Variants in EXT1 observed in about 807,000 individuals in gnomAD.
EXT1 encodes exostosin glycosyltransferase 1, also known as exostosin-1.
EXT1 carries 20 observed loss-of-function variants against 82.5 expected under a neutral mutation model. The ratio of observed to expected loss-of-function variants is 0.24; its 90% confidence interval spans 0.17 to 0.35. The LOEUF (loss-of-function observed/expected upper bound fraction) is 0.35, where lower values mean the gene tolerates loss of function less well. Ranked by LOEUF, EXT1 falls within the 10% of genes least tolerant of loss-of-function variation. The pLI is 1.00. For synonymous variants in EXT1, 348 were observed against 350.8 expected, an observed-to-expected ratio of 0.99 and a Z score of 0.09; for missense variants, 757 against 936.5, an observed-to-expected ratio of 0.81 and a Z score of 2.50.
At chr8:117,970,503 C>T (rs1261186283) in intron 1 of EXT1, among the ~76,000 whole-genome samples, 3 of 152,014 alleles carry the variant, frequency 2.0e-5, no homozygotes, top group Non-Finnish European at 2.9e-5. Flanking sequence ...GATGGGGTTT[C>T]ATCATATTGG....
rs376512638 is a variant in EXT1 at position 117,908,655 on chromosome 8, C to A, written c.963-71454G>T. On this transcript the variant is annotated intron_variant, in intron 1 of 10. Coordinates refer to ENST00000378204, the MANE Select transcript of EXT1 (RefSeq NM_000127.3). The stretch of plus-strand genomic sequence containing the variant: ...AAAACAAAAACAAAAACAAAAAAAA[C>A]CAACAAAAAACAAAAACAAAACACA... Among the ~76,000 whole-genome samples the A allele has an allele frequency of 4.6e-3, 694 of 151,654 alleles. 4 individuals are homozygous for A. Among genetic ancestry groups the A allele is most frequent in the African/African-American group, 0.012 (514 of 41,364 alleles).
Position 117,914,173 on chromosome 8 carries a change from G to A in EXT1, c.963-76972C>T, listed in dbSNP as rs182429313. ...GTCAAGGACCCCGAACAGAGGGACCGGCTGGAGCCTCGGCAGAGGAACATA... is the reference window on the plus strand; with the variant it reads ...GTCAAGGACCCCGAACAGAGGGACCAGCTGGAGCCTCGGCAGAGGAACATA... On this transcript the variant is annotated intron_variant, in intron 1 of 10. Coordinates refer to ENST00000378204, the MANE Select transcript of EXT1 (RefSeq NM_000127.3). Among the ~76,000 whole-genome samples the A allele has an allele frequency of 5.1e-3, 781 of 152,260 alleles. 4 individuals are homozygous for A. Among genetic ancestry groups the A allele is most frequent in the African/African-American group, 0.017 (724 of 41,526 alleles).
chr8:117,982,752 A>C (rs368111630), intron 1 of EXT1, among the ~76,000 whole-genome samples: 7 of 152,148 alleles, frequency 4.6e-5, no homozygotes, highest in African/African-American at 9.7e-5. Flanking sequence ...TCAGCCTCCC[A>C]AAGTGCTGGG....
intron 1 of EXT1, among the ~76,000 whole-genome samples, chr8:118,034,945 G>A (rs1200235177): frequency 2.0e-5 from 3 of 152,104 alleles, no homozygotes; most frequent in Non-Finnish European, 4.4e-5. Context: ...TAGGTATTAG[G>A]AGCAAAAGGT....
intron 1 of EXT1, among the ~76,000 whole-genome samples, chr8:117,970,955 A>AG (rs1420647397): frequency 1.3e-5 from 2 of 152,168 alleles, no homozygotes; most frequent in African/African-American, 2.4e-5. Flanking sequence ...GAGAAATCTC[A>AG]GGGGGGTTAC....
At chr8:117,947,395 A>G (rs955963520) in intron 1 of EXT1, among the ~76,000 whole-genome samples, 9 of 152,222 alleles carry the variant, frequency 5.9e-5, no homozygotes, top group Non-Finnish European at 1.0e-4. Context: ...TTAGGCATCG[A>G]CTACTGTGAA....
intron 1 of EXT1, among the ~76,000 whole-genome samples, chr8:117,864,200 T>G (rs1054487975): frequency 2.0e-5 from 3 of 151,972 alleles, no homozygotes; most frequent in Non-Finnish European, 4.4e-5. Context: ...ATCAGAAAAA[T>G]TTTTAAAAAG....
chr8:117,945,543 C>T lies in EXT1; in HGVS notation c.963-108342G>A, dbSNP rs541909338. On this transcript the variant is annotated intron_variant, in intron 1 of 10. Transcript: ENST00000378204. ...TTGAGATGGAGTCTCATTCTGTTGC[C>T]CAGGCTGGAGGGCAGTGGTGTGATC... 2.3e-3 allele frequency among the ~76,000 whole-genome samples: 354 copies of T among 152,162 alleles called. 5 individuals are homozygous for T. Among genetic ancestry groups the T allele is most frequent in the African/African-American group, 8.1e-3 (336 of 41,514 alleles).
chr8:118,077,857 C>G (rs1817238915), intron 1 of EXT1, among the ~76,000 whole-genome samples: 1 of 135,746 alleles, frequency 7.4e-6, no homozygotes, highest in Non-Finnish European at 1.6e-5. Flanking sequence ...TCAGTACTTA[C>G]AGCCTATATT....
At chr8:117,878,801 C>A (rs918849339) in intron 1 of EXT1, among the ~76,000 whole-genome samples, 1 of 152,224 alleles carries the variant, frequency 6.6e-6, no homozygotes, top group East Asian at 1.9e-4. Context: ...ACAGGCACAA[C>A]AGTATGATGA....
intron 1 of EXT1, among the ~76,000 whole-genome samples, chr8:117,922,364 T>G (rs556018312): frequency 6.6e-6 from 1 of 152,000 alleles, no homozygotes; most frequent in South Asian, 2.1e-4. Context: ...TCCCAAGGAG[T>G]TGACAATGTG....
intron 1 of EXT1, among the ~76,000 whole-genome samples, chr8:118,088,873 TG>T (rs1159279187): frequency 2.6e-5 from 4 of 152,134 alleles, no homozygotes; most frequent in Non-Finnish European, 4.4e-5. Flanking sequence ...AGCCTGAAAT[TG>T]TATCTGGCAG....
chr8:117,843,717 T>C (rs1458115041), intron 1 of EXT1, among the ~76,000 whole-genome samples: 1 of 152,100 alleles, frequency 6.6e-6, no homozygotes, highest in African/African-American at 2.4e-5. Context: ...ACCAATGGTG[T>C]TCTCAGGACT....
At chr8:117,893,461 G>T (rs780425041) in intron 1 of EXT1, among the ~76,000 whole-genome samples, 2 of 152,150 alleles carry the variant, frequency 1.3e-5, no homozygotes, top group African/African-American at 2.4e-5. Context: ...AGAATGGCAC[G>T]AAGAAACAAA....
At chr8:117,819,617 C>A (rs10098992) in intron 6 of EXT1, 59 bp downstream of exon 6, 89,152 of 1,432,412 alleles carry the variant, frequency 0.062, 4,056 homozygotes, top group African/African-American at 0.21. Context: ...GTAAGGAGGG[C>A]GGAGTCTCTG....
intron 1 of EXT1, among the ~76,000 whole-genome samples, chr8:117,896,474 G>C (rs1286036625): frequency 1.3e-5 from 2 of 152,200 alleles, no homozygotes; most frequent in East Asian, 3.9e-4. Context: ...GAGGAAGCCA[G>C]CTGGTTAGCT....
chr8:117,812,840 C>T, intron 8 of EXT1, 32 bp downstream of exon 8: 1 of 1,588,186 alleles, frequency 6.3e-7, no homozygotes, highest in South Asian at 1.1e-5. Flanking sequence ...CCTGAACAGC[C>T]CACCTGCTGC....
chr8:118,111,440 T>C lies in EXT1; in HGVS notation c.-394A>G. The C allele has an allele frequency of 1.9e-6, 1 of 524,718 alleles. No homozygotes were observed. Among genetic ancestry groups the C allele is most frequent in the Non-Finnish European group, 3.3e-6 (1 of 299,756 alleles). The allele number at this position is 524,718 out of a possible 1,614,324, so 32.5% of individuals were successfully genotyped here. ...GAAGTGATTGCCTTGCCTCTCGGAT[T>C]CCTCTCGGCAGCGTGGAAAATGAGC... On this transcript the variant is annotated 5_prime_UTR_variant, in exon 1 of 11. Transcript: ENST00000378204.
chr8:117,954,740 G>A (rs1020261912), intron 1 of EXT1, among the ~76,000 whole-genome samples: 4 of 152,106 alleles, frequency 2.6e-5, no homozygotes, highest in Admixed American at 6.5e-5. Context: ...TCATATGTGG[G>A]GGGGACCTGT....
Sources: allele counts gnomAD v4.1 joint callset (sites outside exome capture counted in the v4.1 genomes callset), GRCh38; gene constraint gnomAD v4.1.1; transcripts MANE v1.5; gene names NCBI Gene and HGNC (gene_info 2026-07-23, HGNC 2026-07-21).